Variants in SETD7 observed in about 807,000 individuals in gnomAD.
SETD7 encodes histone-lysine N-methyltransferase SETD7.
SETD7 carries 16 observed loss-of-function variants against 41.8 expected under a neutral mutation model. That is an observed-to-expected ratio of 0.38 (90% CI 0.26 to 0.58). The LOEUF is 0.58. SETD7 is among the 20% of genes least tolerant of loss of function. The pLI, the probability that SETD7 is intolerant of heterozygous loss-of-function variation, is 0.64. For missense variants in SETD7, 346 were observed against 459.7 expected (o/e 0.75, Z 2.26); for synonymous variants, 163 against 169.7 (o/e 0.96, Z 0.31).
chr4:139,551,950 C>T (rs1391536090), intron 1 of SETD7, among the ~76,000 whole-genome samples: 1 of 152,118 alleles, frequency 6.6e-6, no homozygotes, highest in Non-Finnish European at 1.5e-5. Context: ...ATTCAATCAC[C>T]AACTCTTAAA....
At position 139,510,712 on chromosome 4, in the gene SETD7, G is replaced by T. The variant is rs939144595; in HGVS notation, c.*951C>A. ...AATGCACTGTGCCACAAGCCTGACC[G>T]CGCTATGTTATGTACATTTAATGTG... On this transcript the variant is annotated 3_prime_UTR_variant, in exon 8 of 8. Transcript: ENST00000274031. 3 of 152,372 alleles carry T rather than the reference G, an allele frequency of 2.0e-5. No homozygotes were observed. The highest frequency in any genetic ancestry group is 7.2e-5 in the African/African-American group (3 of 41,510). The allele number at this position is 152,372 out of a possible 1,614,324, so 9.4% of individuals were successfully genotyped here. A position where few individuals can be genotyped will look rare whatever the true frequency, so the allele number is the denominator to read the frequency against.
intron 5 of SETD7, among the ~76,000 whole-genome samples, chr4:139,522,581 C>T (rs1323385887): frequency 6.6e-6 from 1 of 151,974 alleles, no homozygotes; most frequent in Non-Finnish European, 1.5e-5. Flanking sequence ...TCCAGAACAC[C>T]TCCGCTGGTC....
At chr4:139,519,617 AT>A (rs1727124255) in intron 6 of SETD7, among the ~76,000 whole-genome samples, 2 of 152,254 alleles carry the variant, frequency 1.3e-5, no homozygotes, top group Admixed American at 1.3e-4. Context: ...ACCGGAATAA[AT>A]GCAAAGGTGA....
intron 7 of SETD7, among the ~76,000 whole-genome samples, chr4:139,497,842 C>G (rs12503770): frequency 0.04 from 5,995 of 151,570 alleles, 175 homozygotes; most frequent in Non-Finnish European, 0.065. Context: ...ATCCACCCGC[C>G]TCGGCCTCCC....
At chr4:139,503,944 G>A (rs1726643372), downstream of SETD7, among the ~76,000 whole-genome samples, 1 of 152,190 alleles carries the variant, frequency 6.6e-6, no homozygotes, top group Non-Finnish European at 1.5e-5. Flanking sequence ...TATTGGATGG[G>A]GCCAAATTGG....
chr4:139,516,986 A>G (rs1727043647), intron 7 of SETD7, among the ~76,000 whole-genome samples: 1 of 152,212 alleles, frequency 6.6e-6, no homozygotes, highest in Admixed American at 6.5e-5. Flanking sequence ...CATTTTGGAC[A>G]TTTCATATAA....
At chr4:139,500,734 C>T (rs191406070) in intron 7 of SETD7, among the ~76,000 whole-genome samples, 159 of 152,366 alleles carry the variant, frequency 1.0e-3, no homozygotes, top group African/African-American at 3.6e-3. Flanking sequence ...GTCTCAAACT[C>T]CTGACCTCAG....
In SETD7 at chr4:139,509,737, T is replaced by C; in HGVS notation, c.*1926A>G. The stretch of plus-strand genomic sequence containing the variant: ...AGAGGCCCTGGCCCATCCGTCACAG[T>C]GTATAGAACGGTCTCTTTCTACAGA... On this transcript the variant is annotated 3_prime_UTR_variant, in exon 8 of 8. Transcript: ENST00000274031. 1 of 985,466 alleles carries C rather than the reference T, an allele frequency of 1.0e-6. No individual in the cohort carries two copies. The highest frequency in any genetic ancestry group is 1.2e-6 in the Non-Finnish European group (1 of 829,940). The allele number at this position is 985,466 out of a possible 1,614,324, so 61.0% of individuals were successfully genotyped here.
chr4:139,540,584 G>A (rs964765032), intron 2 of SETD7, among the ~76,000 whole-genome samples: 5 of 152,226 alleles, frequency 3.3e-5, no homozygotes, highest in African/African-American at 9.6e-5. Flanking sequence ...TAGTTTCTTC[G>A]TATGTCAAAT....
intron 1 of SETD7, among the ~76,000 whole-genome samples, chr4:139,554,347 T>TG (rs970085855): frequency 6.6e-6 from 1 of 152,230 alleles, no homozygotes; most frequent in African/African-American, 2.4e-5. Context: ...TATGGACAAC[T>TG]GGACATATGT....
intron 3 of SETD7, chr4:139,532,643 A>C (rs1476144422): frequency 6.4e-6 from 1 of 155,406 alleles, no homozygotes; most frequent in African/African-American, 2.4e-5. Context: ...AAATACTCAA[A>C]GGTAAGTTAA....
chr4:139,507,912 T>C lies in SETD7; in HGVS notation c.*3751A>G, dbSNP rs916282845. The C allele has an allele frequency of 6.6e-6, 1 of 152,186 alleles. No homozygotes were observed. The highest frequency in any genetic ancestry group is 1.5e-5 in the Non-Finnish European group (1 of 68,022). The allele number at this position is 152,186 out of a possible 1,614,324, so 9.4% of individuals were successfully genotyped here. A position where few individuals can be genotyped will look rare whatever the true frequency, so the allele number is the denominator to read the frequency against. On this transcript the variant is annotated 3_prime_UTR_variant, in exon 8 of 8. Transcript: ENST00000274031. ...TTGCTTGTTTTTCTAAAACAAAAGA[T>C]ATCTGGATTCTAAGTCACTACTCTT...
downstream of SETD7, among the ~76,000 whole-genome samples, chr4:139,505,690 A>G (rs1317997593): frequency 6.6e-6 from 1 of 152,192 alleles, no homozygotes; most frequent in Admixed American, 6.5e-5. Flanking sequence ...AAAATCTACC[A>G]CAACGTCTAA....
chr4:139,547,563 T>C (rs1205795926), intron 1 of SETD7, among the ~76,000 whole-genome samples: 3 of 152,232 alleles, frequency 2.0e-5, no homozygotes, highest in Non-Finnish European at 2.9e-5. Context: ...TACATCATTC[T>C]ATAATATGAT....
chr4:139,517,841 C>A lies in SETD7; in HGVS notation c.920+44G>T, dbSNP rs775377205. 7.0e-6 allele frequency: 11 copies of A among 1,579,552 alleles called. No individual in the cohort carries two copies. The African/African-American group carries it at 1.4e-4, about 19-fold the overall frequency. On this transcript the variant is annotated intron_variant, in intron 7 of 7. Transcript: ENST00000274031. ...TTTACTGCCCTCCTCCGTCTCAGGG[C>A]CCTGAGGCATAGATCCGCCCCAGCA...
chr4:139,526,240 A>G (rs1024823532), intron 4 of SETD7, among the ~76,000 whole-genome samples: 5 of 151,850 alleles, frequency 3.3e-5, no homozygotes, highest in African/African-American at 1.2e-4. Context: ...TTCTAAAAAA[A>G]TAATAATTCC....
In SETD7 at chr4:139,511,742, G is replaced by T; in HGVS notation, c.1022C>A (p.Pro341His). ...GGCTTCAGGCCCACTCTTCCCGGGG[G>T]GGCTGTGGTCATAGCCATAGGCAAC... The part of the protein sequence containing the change: ...LTVAYGYDHS[P>H]PGKSGPEAPE... Residue 341 changes from proline to histidine, a missense_variant, in exon 8 of 8, where the codon CCC (proline) becomes CAC (histidine). Transcript: ENST00000274031. 6.2e-7 allele frequency: 1 copy of T among 1,614,122 alleles called. No individual in the cohort carries two copies. Among genetic ancestry groups the T allele is most frequent in the Non-Finnish European group, 8.5e-7 (1 of 1,180,002 alleles).
At position 139,523,319 on chromosome 4, in the gene SETD7, A is replaced by G. The variant is rs541460186; in HGVS notation, c.644+35T>C. 5 of 1,485,638 alleles carry G rather than the reference A, an allele frequency of 3.4e-6. No homozygotes were observed. In the South Asian group the frequency reaches 5.7e-5, roughly 17 times the overall value. The allele number at this position is 1,485,638 out of a possible 1,614,324, so 92.0% of individuals were successfully genotyped here. A position where few individuals can be genotyped will look rare whatever the true frequency, so the allele number is the denominator to read the frequency against. On this transcript the variant is annotated intron_variant, in intron 5 of 7. Coordinates refer to ENST00000274031, the MANE Select transcript of SETD7 (RefSeq NM_030648.4). ...CCACTAGGCTTATTTAACCTCACAT[A>G]AACAGTGCAATTAAAACCCCAAGGA...
rs753473272 is a variant in SETD7 at position 139,533,159 on chromosome 4, G to A, written c.372+6C>T. The A allele has an allele frequency of 1.2e-6, 2 of 1,610,276 alleles. No individual in the cohort carries two copies. Among genetic ancestry groups the A allele is most frequent in the East Asian group, 2.2e-5 (1 of 44,882 alleles). On this transcript the variant is annotated splice_donor_region_variant and intron_variant, in intron 3 of 7. Coordinates refer to ENST00000274031, the MANE Select transcript of SETD7 (RefSeq NM_030648.4). Reference sequence around the variant, plus strand: ...TTCCAGCAGAGTGAACAGTCACACGGCTTACTGGGTAATATATCCAGCACA... The same window carrying A: ...TTCCAGCAGAGTGAACAGTCACACGACTTACTGGGTAATATATCCAGCACA...
Sources: allele counts gnomAD v4.1 joint callset (sites outside exome capture counted in the v4.1 genomes callset), GRCh38; gene constraint gnomAD v4.1.1; transcripts MANE v1.5; gene names NCBI Gene and HGNC (gene_info 2026-07-23, HGNC 2026-07-21).